The following AFF2 variants were observed in gnomAD, a reference collection of about 807,000 sequenced individuals.
The protein encoded by AFF2 is AF4/FMR2 family member 2.
A neutral mutation model predicts 76.9 loss-of-function variants in AFF2; 14 were observed. The observed-to-expected ratio is 0.18, with a 90% CI of 0.12 to 0.28. The LOEUF (loss-of-function observed/expected upper bound fraction) is 0.28. Ranked by LOEUF, AFF2 falls within the 10% of genes least tolerant of loss-of-function variation. The probability of loss-of-function intolerance (pLI) is 1.00; values close to 1 mark genes in which losing one functional copy is unlikely to be tolerated. For missense variants in AFF2, 868 were observed against 1,001.1 expected (o/e 0.87, Z 1.79); for synonymous variants, 398 against 366.7 (o/e 1.09, Z -0.98).
At chrX:148,650,972 T>C (rs1557256256) in intron 1 of AFF2, among the ~76,000 whole-genome samples, 3 of 112,228 alleles carry the variant, frequency 2.7e-5, no homozygotes. Flanking sequence ...CTAGGCATTT[T>C]ATGTACATTT....
At chrX:148,519,991 A>G (rs1202049240) in intron 1 of AFF2, among the ~76,000 whole-genome samples, 8 of 112,551 alleles carry the variant, frequency 7.1e-5, no homozygotes, top group African/African-American at 2.6e-4. Flanking sequence ...AAATAAAAGT[A>G]TATAAATCTA....
intron 7 of AFF2, among the ~76,000 whole-genome samples, chrX:148,848,427 C>G (rs781790908): frequency 8.9e-6 from 1 of 111,970 alleles, no homozygotes; most frequent in East Asian, 2.8e-4. Context: ...TTCATTACAA[C>G]CCTGGCCATC....
At chrX:148,867,201 AT>A (rs2070917547) in intron 7 of AFF2, among the ~76,000 whole-genome samples, 1 of 112,639 alleles carries the variant, frequency 8.9e-6, no homozygotes, top group Non-Finnish European at 1.9e-5. Context: ...TTGAGGCAAG[AT>A]GGGGCCAGCC....
Position 148,751,951 on chromosome X carries a change from T to C in AFF2, c.1042-57925T>C, listed in dbSNP as rs138619830. ...TCACAGTGCCAGCAGATTTGATGTCTAGTGATGTCCTCTTACATTCTTAGT... is the reference window on the plus strand; with the variant it reads ...TCACAGTGCCAGCAGATTTGATGTCCAGTGATGTCCTCTTACATTCTTAGT... On this transcript the variant is annotated intron_variant, in intron 3 of 20. Coordinates refer to ENST00000370460, the MANE Select transcript of AFF2 (RefSeq NM_002025.4). Among the ~76,000 whole-genome samples, 611 of 111,946 alleles carry C rather than the reference T, an allele frequency of 5.5e-3. 3 individuals are homozygous for C. The highest frequency in any genetic ancestry group is 9.8e-3 in the South Asian group (26 of 2,645).
rs537148646 is a variant in AFF2 at position 148,514,178 on chromosome X, C to T, written c.47+13034C>T. On this transcript the variant is annotated intron_variant, in intron 1 of 20. Coordinates refer to ENST00000370460, the MANE Select transcript of AFF2 (RefSeq NM_002025.4). ...GCATTTGTTTAACAATGACAATAAC[C>T]GGAAAACCACAGAAGTATAAATACC... 4.5e-5 allele frequency among the ~76,000 whole-genome samples: 5 copies of T among 110,980 alleles called. No homozygotes were observed. The South Asian group carries it at 1.9e-3, about 42-fold the overall frequency.
chrX:148,501,001 G>T lies in AFF2; in HGVS notation c.-97G>T. ...AGCTGGGCGGGAGGGCTGGAGAGCC[G>T]GGGGCCGCCGAGAACCGCCAGCGAG... On this transcript the variant is annotated 5_prime_UTR_variant, in exon 1 of 21. Transcript: ENST00000370460. 8.7e-6 allele frequency: 9 copies of T among 1,036,143 alleles called. No individual in the cohort carries two copies. The highest frequency in any genetic ancestry group is 4.3e-5 in the South Asian group (2 of 46,389). 85.4% of individuals were successfully genotyped at this position (1,036,143 alleles called of 1,213,427 possible). A position where few individuals can be genotyped will look rare whatever the true frequency, so the allele number is the denominator to read the frequency against.
At chrX:148,964,311 G>T (rs1400749702) in intron 13 of AFF2, among the ~76,000 whole-genome samples, 1 of 112,156 alleles carries the variant, frequency 8.9e-6, no homozygotes, top group African/African-American at 3.2e-5. Flanking sequence ...GTCTCTGAAT[G>T]GTCCAAGGAG....
At chrX:148,728,974 G>T (rs1336531875) in intron 3 of AFF2, among the ~76,000 whole-genome samples, 1 of 111,780 alleles carries the variant, frequency 8.9e-6, no homozygotes, top group Non-Finnish European at 1.9e-5. Context: ...GGTTATTCTG[G>T]GTATACTTGG....
chrX:148,727,048 GTTTA>G (rs782306457), intron 3 of AFF2, among the ~76,000 whole-genome samples: 70 of 111,911 alleles, frequency 6.3e-4, no homozygotes, highest in Admixed American at 2.8e-3. Flanking sequence ...AGATTTAAAT[GTTTA>G]TTTATTTATT....
rs183986943 is a variant in AFF2, at chrX:148,569,962, C to T, written c.47+68818C>T. Among the ~76,000 whole-genome samples, 5 of 111,651 alleles carry T rather than the reference C, an allele frequency of 4.5e-5. No homozygotes were observed. The East Asian group carries it at 1.4e-3, about 31-fold the overall frequency. On this transcript the variant is annotated intron_variant, in intron 1 of 20. Coordinates refer to ENST00000370460, the MANE Select transcript of AFF2 (RefSeq NM_002025.4). ...GTAAAATGGAAAGAATCCTTGTCTC[C>T]ATCTCACTGGCTTGATTGATATATA...
chrX:148,743,799 A>G (rs1210344630), intron 3 of AFF2, among the ~76,000 whole-genome samples: 1 of 111,339 alleles, frequency 9.0e-6, no homozygotes, highest in Admixed American at 9.6e-5. Context: ...TTGATTTAAA[A>G]TGAAGTCCTT....
intron 8 of AFF2, among the ~76,000 whole-genome samples, chrX:148,897,525 A>G (rs1162204209): frequency 9.4e-6 from 1 of 106,590 alleles, no homozygotes; most frequent in African/African-American, 3.4e-5. Context: ...TACCCACAGT[A>G]TAATGTGTTC....
At chrX:148,973,694 A>G in intron 16 of AFF2, 87 bp downstream of exon 16, 1 of 992,617 alleles carries the variant, frequency 1.0e-6, no homozygotes, top group Non-Finnish European at 1.4e-6. Flanking sequence ...ATTTCCACTT[A>G]TTAATAATTT....
At chrX:148,990,692 A>G (rs1464944583) in intron 20 of AFF2, among the ~76,000 whole-genome samples, 3 of 111,968 alleles carry the variant, frequency 2.7e-5, no homozygotes, top group African/African-American at 9.7e-5. Flanking sequence ...TGAAATTGGT[A>G]AGAAGACTTA....
chrX:148,502,919 T>TA (rs1402665243), intron 1 of AFF2, among the ~76,000 whole-genome samples: 26 of 112,445 alleles, frequency 2.3e-4, no homozygotes, highest in Non-Finnish European at 4.3e-4. Flanking sequence ...TTGATTTCTT[T>TA]AAAAAAAATG....
At chrX:148,931,253 CAAAAAA>C (rs782537927) in intron 9 of AFF2, among the ~76,000 whole-genome samples, 1,542 of 43,727 alleles carry the variant, frequency 0.035, 41 homozygotes, top group African/African-American at 0.13. Context: ...GACTCTGTCT[CAAAAAA>C]AAAAAAAAAA....
At chrX:148,545,795 A>G (rs376891274) in intron 1 of AFF2, among the ~76,000 whole-genome samples, 1 of 110,754 alleles carries the variant, frequency 9.0e-6, no homozygotes, top group South Asian at 3.9e-4. Context: ...AGACAGCTGG[A>G]TCCCACCCCC....
intron 3 of AFF2, among the ~76,000 whole-genome samples, chrX:148,722,043 C>G (rs1431758805): frequency 9.0e-6 from 1 of 111,515 alleles, no homozygotes; most frequent in Admixed American, 9.5e-5. Context: ...TACACAGGTA[C>G]CAGAGGTTAG....
At chrX:148,745,696 G>A (rs1557266019) in intron 3 of AFF2, among the ~76,000 whole-genome samples, 6 of 111,167 alleles carry the variant, frequency 5.4e-5, no homozygotes, top group Non-Finnish European at 1.9e-5. Context: ...GTCCACTAAA[G>A]AACAAGTAGG....
Sources: gnomAD v4.1 joint callset for allele counts (sites outside exome capture counted in the v4.1 genomes callset) on GRCh38, gnomAD v4.1.1 for gene constraint, MANE v1.5 for transcripts, NCBI Gene and HGNC (gene_info 2026-07-23, HGNC 2026-07-21) for gene names.